Variants in SEMA3D observed in about 807,000 individuals in gnomAD.
The protein encoded by SEMA3D is semaphorin 3D.
Under a neutral mutation model 100.1 loss-of-function variants are expected in SEMA3D, and 84 were observed. That is an observed-to-expected ratio of 0.84 (90% CI 0.70 to 1.01). The LOEUF is 1.01. Among genes scored for constraint, SEMA3D ranks in the 50% least tolerant of loss-of-function variants. The pLI is 0.00. For synonymous variants in SEMA3D, 312 were observed against 320.7 expected (o/e 0.97, Z 0.29); for missense variants, 875 against 934.1 (o/e 0.94, Z 0.82).
At chr7:85,127,804 C>G (rs886263597) in intron 2 of SEMA3D, among the ~76,000 whole-genome samples, 1 of 152,216 alleles carries the variant, frequency 6.6e-6, no homozygotes, top group African/African-American at 2.4e-5. Flanking sequence ...TCAGATTAAT[C>G]GACAGCCCAA....
At chr7:85,093,457 C>G (rs1234278366) in intron 4 of SEMA3D, among the ~76,000 whole-genome samples, 1 of 151,954 alleles carries the variant, frequency 6.6e-6, no homozygotes, top group African/African-American at 2.4e-5. Context: ...TGCTACCAAC[C>G]TAAAGATAAT....
At chr7:85,044,087 T>C (rs1790937458) in intron 9 of SEMA3D, among the ~76,000 whole-genome samples, 1 of 152,004 alleles carries the variant, frequency 6.6e-6, no homozygotes, top group Non-Finnish European at 1.5e-5. Context: ...TTATATAAAA[T>C]CATTTATCCT....
intron 16 of SEMA3D, among the ~76,000 whole-genome samples, chr7:85,014,269 C>T (rs942701662): frequency 1.3e-5 from 2 of 151,640 alleles, no homozygotes; most frequent in East Asian, 1.9e-4. Flanking sequence ...AAATATACTT[C>T]GAATACTTTA....
intron 1 of SEMA3D, among the ~76,000 whole-genome samples, chr7:85,174,158 G>A (rs1791161138): frequency 6.6e-6 from 1 of 152,112 alleles, no homozygotes; most frequent in Admixed American, 6.6e-5. Context: ...TGAGAAAAAA[G>A]ACCAAGACTA....
the SEMA3D span, among the ~76,000 whole-genome samples, chr7:85,228,203 T>C: frequency 7.2e-5 from 11 of 152,142 alleles, no homozygotes; most frequent in African/African-American, 2.7e-4. Context: ...TTTTCTATTC[T>C]TGTTTTTCTT....
chr7:85,000,355 C>A (rs1789622591), intron 18 of SEMA3D, among the ~76,000 whole-genome samples: 1 of 152,124 alleles, frequency 6.6e-6, no homozygotes. Flanking sequence ...TAGAATAGAA[C>A]AATAATTCCA....
chr7:85,010,753 A>C (rs1449110997), intron 17 of SEMA3D, among the ~76,000 whole-genome samples: 1 of 151,798 alleles, frequency 6.6e-6, no homozygotes, highest in Non-Finnish European at 1.5e-5. Flanking sequence ...TTAGGCTTTC[A>C]AGTGGAGCTC....
At chr7:85,185,230 TG>T (rs1314868909) in intron 1 of SEMA3D, among the ~76,000 whole-genome samples, 1 of 151,918 alleles carries the variant, frequency 6.6e-6, no homozygotes, top group East Asian at 2.0e-4. Context: ...GCGGTTGCCA[TG>T]GTTACACAAT....
chr7:85,091,203 GAGGGAAGGA>G (rs1229239394), intron 4 of SEMA3D, among the ~76,000 whole-genome samples: 11 of 148,528 alleles, frequency 7.4e-5, no homozygotes, highest in African/African-American at 2.5e-4. Flanking sequence ...AGGAGGGAGG[GAGGGAAGGA>G]AGGGAAGGAA....
rs544645825 is a variant in SEMA3D at position 85,094,828 on chromosome 7, G to A, written c.312+2977C>T. 2.0e-5 allele frequency among the ~76,000 whole-genome samples: 3 copies of A among 151,986 alleles called. No homozygotes were observed. The East Asian group carries it at 5.8e-4, about 30-fold the overall frequency. ...GGCCTTACGGACCAACTTTGGAATCGTTAAGCTTCGGGATAGTTAAGTTGT... is the reference window on the plus strand; with the variant it reads ...GGCCTTACGGACCAACTTTGGAATCATTAAGCTTCGGGATAGTTAAGTTGT... On this transcript the variant is annotated intron_variant, in intron 4 of 18. Transcript: ENST00000284136.
At chr7:85,141,359 T>A (rs868233693) in intron 2 of SEMA3D, 3 of 984,406 alleles carry the variant, frequency 3.0e-6, no homozygotes, top group African/African-American at 1.7e-5. Flanking sequence ...AACTGCACAG[T>A]ATGCCCTATT....
chr7:85,026,258 G>A (rs1790388190), intron 12 of SEMA3D, among the ~76,000 whole-genome samples: 1 of 151,996 alleles, frequency 6.6e-6, no homozygotes, highest in African/African-American at 2.4e-5. Flanking sequence ...GATATCCTCA[G>A]TAATTTAGAG....
the SEMA3D span, among the ~76,000 whole-genome samples, chr7:85,233,994 T>C: frequency 6.6e-6 from 1 of 152,334 alleles, no homozygotes; most frequent in South Asian, 2.1e-4. Context: ...TTAGACAATA[T>C]AATTTTATCA....
rs1351097340 is a variant in SEMA3D at position 85,018,338 on chromosome 7, T to A, written c.1504-45A>T. The A allele has an allele frequency of 2.4e-6, 3 of 1,238,582 alleles. No homozygotes were observed. In the South Asian group the frequency reaches 3.7e-5, roughly 15 times the overall value. 76.7% of individuals were successfully genotyped at this position (1,238,582 alleles called of 1,614,324 possible). A position where few individuals can be genotyped will look rare whatever the true frequency, so the allele number is the denominator to read the frequency against. On this transcript the variant is annotated intron_variant, in intron 14 of 18. Coordinates refer to ENST00000284136, the MANE Select transcript of SEMA3D (RefSeq NM_001384900.1). The stretch of plus-strand genomic sequence containing the variant: ...GTCAATAAAGATAATCATTAACAGG[T>A]TTTTATATTAAACAATATGTTGTTT...
intron 5 of SEMA3D, among the ~76,000 whole-genome samples, chr7:85,077,104 T>TAAAAAAA (rs558239429): frequency 8.0e-6 from 1 of 124,456 alleles, no homozygotes; most frequent in Non-Finnish European, 1.7e-5. Flanking sequence ...AGACTCCGTC[T>TAAAAAAA]AAAAAAAAAA....
the SEMA3D span, among the ~76,000 whole-genome samples, chr7:85,234,740 C>A: frequency 6.6e-6 from 1 of 152,046 alleles, no homozygotes; most frequent in Non-Finnish European, 1.5e-5. Flanking sequence ...GTTAAAGGAA[C>A]TAAAATGATC....
intron 1 of SEMA3D, among the ~76,000 whole-genome samples, chr7:85,184,453 A>C (rs970320911): frequency 7.9e-5 from 12 of 152,262 alleles, no homozygotes; most frequent in African/African-American, 2.6e-4. Flanking sequence ...ATAAAAGCCA[A>C]AATGGGACAA....
chr7:85,249,876 G>C, the SEMA3D span, among the ~76,000 whole-genome samples: 6 of 152,154 alleles, frequency 3.9e-5, no homozygotes, highest in Non-Finnish European at 8.8e-5. Context: ...CAAGATGGCC[G>C]AATAGGAACA....
chr7:85,197,991 TC>T, the SEMA3D span, among the ~76,000 whole-genome samples: 5 of 152,164 alleles, frequency 3.3e-5, no homozygotes, highest in Non-Finnish European at 7.4e-5. Flanking sequence ...AAATTAGTAG[TC>T]CTTAAAAGCA....
Sources: gnomAD v4.1 joint callset for allele counts (sites outside exome capture counted in the v4.1 genomes callset) on GRCh38, gnomAD v4.1.1 for gene constraint, MANE v1.5 for transcripts, NCBI Gene and HGNC (gene_info 2026-07-23, HGNC 2026-07-21) for gene names.